Variants in ZHX3 observed in about 807,000 individuals in gnomAD.
ZHX3 encodes the protein zinc fingers and homeoboxes 3.
Under a neutral mutation model 64.5 loss-of-function variants are expected in ZHX3, and 20 were observed. The observed-to-expected ratio is 0.31, with a 90% CI of 0.22 to 0.45. The LOEUF is 0.45. ZHX3 is among the 20% of genes least tolerant of loss of function. The probability of loss-of-function intolerance (pLI) is 1.00; values close to 1 mark genes in which losing one functional copy is unlikely to be tolerated. For missense variants in ZHX3, 1,041 were observed against 1,195.8 expected (o/e 0.87, Z 1.91); for synonymous variants, 423 against 461.6 (o/e 0.92, Z 1.07).
intron 2 of ZHX3, among the ~76,000 whole-genome samples, chr20:41,266,547 CTTTTTTTTTTT>C (rs56086714): frequency 7.1e-6 from 1 of 140,702 alleles, no homozygotes. Context: ...CCCAATCTTT[CTTTTTTTTTTT>C]TTTTTTAGAT....
chr20:41,302,049 A>C (rs1161818716), intron 1 of ZHX3, among the ~76,000 whole-genome samples: 1 of 102,516 alleles, frequency 9.8e-6, no homozygotes, highest in Admixed American at 1.0e-4. Flanking sequence ...GCGAGACTCC[A>C]TCTCAAAAAA....
In ZHX3 at chr20:41,226,281, G is replaced by A. The variant is rs1341699138; in HGVS notation, c.-150-21215C>T. ...GCGTGCTGGCGAATGGCATGAACGCGGGAGGTGGAGGTTGCAGTAAACTGA... is the reference window on the plus strand; with the variant it reads ...GCGTGCTGGCGAATGGCATGAACGCAGGAGGTGGAGGTTGCAGTAAACTGA... On this transcript the variant is annotated intron_variant, in intron 2 of 3. Coordinates refer to ENST00000683867, the MANE Select transcript of ZHX3 (RefSeq NM_001384317.1). This position sits in a 1 kb window ranked among gnomAD's most constrained non-coding sequence, Gnocchi z 4.4. 3.3e-5 allele frequency among the ~76,000 whole-genome samples: 5 copies of A among 152,002 alleles called. No individual in the cohort carries two copies. The highest frequency in any genetic ancestry group is 2.1e-4 in the South Asian group (1 of 4,808).
Position 41,315,558 on chromosome 20 carries a change from T to A in ZHX3, c.-245+1951A>T, listed in dbSNP as rs528285890. 7.7e-4 allele frequency among the ~76,000 whole-genome samples: 117 copies of A among 152,152 alleles called. 1 individual carries two copies. The highest frequency in any genetic ancestry group is 2.7e-3 in the African/African-American group (112 of 41,498). ...ATGGTTGTTCGGAAGAGGGTTAGCC[T>A]GGCAGGCCACAGCAAGGCCTTCAGA... On this transcript the variant is annotated intron_variant, in intron 1 of 3. Transcript: ENST00000683867.
At chr20:41,243,056 G>T (rs762028192) in intron 2 of ZHX3, among the ~76,000 whole-genome samples, 1 of 152,180 alleles carries the variant, frequency 6.6e-6, no homozygotes, top group Non-Finnish European at 1.5e-5. Flanking sequence ...GCAGACTTCT[G>T]GGTACCCAGG....
At position 41,181,055 on chromosome 20, in the gene ZHX3, C is replaced by A. The variant is rs2036233601; in HGVS notation, c.*4136G>T. 1 of 152,200 alleles carries A rather than the reference C, an allele frequency of 6.6e-6. No homozygotes were observed. The highest frequency in any genetic ancestry group is 2.4e-5 in the African/African-American group (1 of 41,412). 9.4% of individuals were successfully genotyped at this position (152,200 alleles called of 1,614,324 possible). ...TCCCCAAACTACATGGGAGTAGCCC[C>A]CCGTGGTCTGGGCAGGCTGGCTGAG... On this transcript the variant is annotated 3_prime_UTR_variant, in exon 4 of 4. Coordinates refer to ENST00000683867, the MANE Select transcript of ZHX3 (RefSeq NM_001384317.1).
intron 2 of ZHX3, among the ~76,000 whole-genome samples, chr20:41,264,258 A>G (rs913505859): frequency 6.6e-6 from 1 of 151,588 alleles, no homozygotes. Flanking sequence ...AAATACAAAA[A>G]AAAAATTATG....
intron 2 of ZHX3, among the ~76,000 whole-genome samples, chr20:41,264,245 C>A (rs1335387045): frequency 6.6e-6 from 1 of 150,704 alleles, no homozygotes; most frequent in Non-Finnish European, 1.5e-5. Flanking sequence ...CCCATCTCCA[C>A]TAAAATACAA....
chr20:41,275,051 G>C (rs896493843), intron 1 of ZHX3, among the ~76,000 whole-genome samples: 5 of 152,116 alleles, frequency 3.3e-5, no homozygotes, highest in Admixed American at 2.6e-4. Flanking sequence ...CCAGCTACTT[G>C]GGAGGCTGAG....
At chr20:41,293,032 G>A (rs1305449155) in intron 1 of ZHX3, among the ~76,000 whole-genome samples, 1 of 152,198 alleles carries the variant, frequency 6.6e-6, no homozygotes, top group African/African-American at 2.4e-5. Context: ...GGAGACGCAC[G>A]TTTGATTATA....
chr20:41,211,533 C>A (rs577787467), intron 2 of ZHX3, among the ~76,000 whole-genome samples: 1 of 152,156 alleles, frequency 6.6e-6, no homozygotes, highest in South Asian at 2.1e-4. Context: ...AATTTAATGT[C>A]TATAATTTGG....
At chr20:41,225,105 C>T (rs1412408833) in intron 2 of ZHX3, among the ~76,000 whole-genome samples, 3 of 152,206 alleles carry the variant, frequency 2.0e-5, no homozygotes, top group Non-Finnish European at 4.4e-5. Context: ...AAGACTCTAA[C>T]ATCAGACAGA....
chr20:41,252,009 ATGT>A (rs2042017211), intron 2 of ZHX3, among the ~76,000 whole-genome samples: 1 of 152,188 alleles, frequency 6.6e-6, no homozygotes. Flanking sequence ...AACTTAAAAA[ATGT>A]TGTTTTTTCC....
In ZHX3 at chr20:41,292,013, T is replaced by TAAAAAA. The variant is rs61168786; in HGVS notation, c.-244-22936_-244-22931dup. Among the ~76,000 whole-genome samples, 118 of 94,708 alleles carry TAAAAAA rather than the reference T, an allele frequency of 1.2e-3. 1 individual carries two copies. Among genetic ancestry groups the TAAAAAA allele is most frequent in the Middle Eastern group, 5.6e-3 (1 of 178 alleles). 62.1% of individuals were successfully genotyped at this position (94,708 alleles called of 152,430 possible). On this transcript the variant is annotated intron_variant, in intron 1 of 3. Coordinates refer to ENST00000683867, the MANE Select transcript of ZHX3 (RefSeq NM_001384317.1). Reference sequence around the variant, plus strand: ...GGGGAACACAGCAAGACCTCATCTTTAAAAAAAAAAAAAAAAAAAAAAAAG... The same window carrying TAAAAAA: ...GGGGAACACAGCAAGACCTCATCTTTAAAAAAAAAAAAAAAAAAAAAAAAAAAAAAG...
chr20:41,301,112 G>A (rs960584098), intron 1 of ZHX3, among the ~76,000 whole-genome samples: 4 of 152,142 alleles, frequency 2.6e-5, no homozygotes, highest in African/African-American at 4.8e-5. Context: ...AAGGCTACTC[G>A]CAGGAAGCCT....
At chr20:41,312,300 A>G (rs1336330677) in intron 1 of ZHX3, among the ~76,000 whole-genome samples, 1 of 152,222 alleles carries the variant, frequency 6.6e-6, no homozygotes, top group Non-Finnish European at 1.5e-5. Flanking sequence ...TCAGCAGGAC[A>G]TGGACAGGGA....
At chr20:41,258,154 C>A (rs2042367129) in intron 2 of ZHX3, among the ~76,000 whole-genome samples, 1 of 152,160 alleles carries the variant, frequency 6.6e-6, no homozygotes, top group Non-Finnish European at 1.5e-5. Flanking sequence ...CCCGCCTCGG[C>A]CTCCCAAAGT....
At chr20:41,256,338 A>G (rs980496164) in intron 2 of ZHX3, among the ~76,000 whole-genome samples, 2 of 149,890 alleles carry the variant, frequency 1.3e-5, no homozygotes, top group African/African-American at 5.0e-5. Flanking sequence ...CACTGACAGA[A>G]TAAGACTAGT....
intron 3 of ZHX3, among the ~76,000 whole-genome samples, chr20:41,187,486 T>C (rs976088417): frequency 6.6e-6 from 1 of 152,174 alleles, no homozygotes; most frequent in African/African-American, 2.4e-5. Flanking sequence ...ATTTCATACT[T>C]TTGCATGTAT....
chr20:41,242,936 TA>T (rs1172353192), intron 2 of ZHX3, among the ~76,000 whole-genome samples: 1 of 152,100 alleles, frequency 6.6e-6, no homozygotes, highest in East Asian at 1.9e-4. Flanking sequence ...TTATAATGTC[TA>T]AAAAAATGTA....
Sources: gnomAD v4.1 joint callset for allele counts (sites outside exome capture counted in the v4.1 genomes callset) on GRCh38, gnomAD v4.1.1 for gene constraint, Gnocchi (gnomAD v3.1) non-coding constraint, MANE v1.5 for transcripts, NCBI Gene and HGNC (gene_info 2026-07-23, HGNC 2026-07-21) for gene names.